Variants in PDS5B observed in about 807,000 individuals in gnomAD.
PDS5B encodes the protein sister chromatid cohesion protein PDS5 homolog B.
Under a neutral mutation model 184.1 loss-of-function variants are expected in PDS5B, and 51 were observed. The observed-to-expected ratio is 0.28, with a 90% CI of 0.22 to 0.35. PDS5B has a LOEUF of 0.35. Among genes scored for constraint, PDS5B ranks in the 10% least tolerant of loss-of-function variants. PDS5B has a pLI of 1.00. For synonymous variants in PDS5B, 566 were observed against 569.2 expected (o/e 0.99, Z 0.08); for missense variants, 1,180 against 1,723.3 (o/e 0.68, Z 5.58).
intron 7 of PDS5B, among the ~76,000 whole-genome samples, chr13:32,671,001 C>T (rs559444432): frequency 1.6e-4 from 25 of 152,274 alleles, no homozygotes; most frequent in South Asian, 6.2e-4. Flanking sequence ...TAATTAGCTA[C>T]GCTTTTGTAA....
chr13:32,741,373 A>G (rs1262803442), intron 22 of PDS5B, among the ~76,000 whole-genome samples: 1 of 152,136 alleles, frequency 6.6e-6, no homozygotes, highest in Non-Finnish European at 1.5e-5. Flanking sequence ...AAGGTTTGAA[A>G]GCTGTTTCCC....
At chr13:32,766,876 A>G (rs900362145) in intron 31 of PDS5B, among the ~76,000 whole-genome samples, 2 of 152,186 alleles carry the variant, frequency 1.3e-5, no homozygotes, top group Admixed American at 1.3e-4. Flanking sequence ...AAAGGAAATC[A>G]TCTACCTTTT....
Position 32,760,636 on chromosome 13 carries a change from C to T in PDS5B, c.3434C>T (p.Ser1145Phe). 1 of 1,614,018 alleles carries T rather than the reference C, an allele frequency of 6.2e-7. No individual in the cohort carries two copies. Among genetic ancestry groups the T allele is most frequent in the Non-Finnish European group, 8.5e-7 (1 of 1,179,902 alleles). Residue 1145 changes from serine to phenylalanine, a missense_variant, in exon 30 of 35, where the codon TCT (serine) becomes TTT (phenylalanine). By Grantham distance (155) the Ser-to-Phe change is radical (BLOSUM62 -2). This residue lies in a region of PDS5B where 465 missense variants were observed against 497.8 expected (regional missense o/e 0.93). Transcript: ENST00000315596. ...CCACTTTCATCAGCAGGCAAGCAAT[C>T]TCAGACCAAATCATCACGAATGGAA... ...NKPLSSAGKQ[S>F]QTKSSRMETV... is the part of the protein sequence containing the mutation.
At chr13:32,623,370 T>TA (rs908593057) in intron 1 of PDS5B, among the ~76,000 whole-genome samples, 1 of 152,188 alleles carries the variant, frequency 6.6e-6, no homozygotes, top group Non-Finnish European at 1.5e-5. Context: ...CCTTATATCT[T>TA]AGTAGAATTG....
In PDS5B at chr13:32,764,558, A is replaced by G. The variant is rs763960598; in HGVS notation, c.3588A>G (p.Lys1196=). The change falls in exon 31 of 35, where the codon AAA becomes AAG. Residue 1196 remains lysine, a synonymous_variant. Transcript: ENST00000315596. ...DYTMSSPLPG[K]KSDKRDDSDL... ...CAATGTCTTCACCTTTGCCGGGGAA[A>G]AAAAGTGACAAGAGAGACGACTCTG... 3.1e-6 allele frequency: 5 copies of G among 1,605,728 alleles called. No homozygotes were observed. The highest frequency in any genetic ancestry group is 1.7e-4 in the Middle Eastern group (1 of 6,030).
At chr13:32,650,722 C>G (rs1950347429) in intron 2 of PDS5B, 1 of 152,192 alleles carries the variant, frequency 6.6e-6, no homozygotes, top group African/African-American at 2.4e-5. Context: ...ACTGTTGGTT[C>G]TGGTATCTGG....
chr13:32,590,706 G>A (rs987001387), intron 1 of PDS5B, among the ~76,000 whole-genome samples: 4 of 152,118 alleles, frequency 2.6e-5, no homozygotes, highest in African/African-American at 9.7e-5. Context: ...GGAAGTAATT[G>A]AAGATATTTT....
chr13:32,740,616 T>C (rs930733061), intron 21 of PDS5B, among the ~76,000 whole-genome samples: 1 of 152,176 alleles, frequency 6.6e-6, no homozygotes, highest in Non-Finnish European at 1.5e-5. Flanking sequence ...TGCTAGTACT[T>C]GCACATGATC....
At chr13:32,610,502 A>G (rs1593258132) in intron 1 of PDS5B, among the ~76,000 whole-genome samples, 1 of 152,246 alleles carries the variant, frequency 6.6e-6, no homozygotes, top group Admixed American at 6.5e-5. Context: ...CCAAATGTTC[A>G]TAATAATCCT....
chr13:32,775,806 G>A lies in PDS5B; in HGVS notation c.*754G>A. 2.8e-6 allele frequency: 1 copy of A among 361,108 alleles called. No homozygotes were observed. 22.4% of individuals were successfully genotyped at this position (361,108 alleles called of 1,614,324 possible). The stretch of plus-strand genomic sequence containing the variant: ...AGATTTAAAGTATTTTAATTTTAAA[G>A]AGTGTGTTATAAAATAATGTACTGA... On this transcript the variant is annotated 3_prime_UTR_variant, in exon 35 of 35. Coordinates refer to ENST00000315596, the MANE Select transcript of PDS5B (RefSeq NM_015032.4).
At chr13:32,716,930 C>A (rs1220542595) in intron 19 of PDS5B, among the ~76,000 whole-genome samples, 1 of 93,740 alleles carries the variant, frequency 1.1e-5, no homozygotes. Context: ...AAGTGAGGAG[C>A]CCTTTTGCCC....
Position 32,713,531 on chromosome 13 carries a change from A to G in PDS5B, c.2123+3425A>G, listed in dbSNP as rs771640596. 4.6e-5 allele frequency among the ~76,000 whole-genome samples: 7 copies of G among 152,224 alleles called. No homozygotes were observed. In the East Asian group the frequency reaches 1.2e-3, roughly 25 times the overall value. On this transcript the variant is annotated intron_variant, in intron 19 of 34. Coordinates refer to ENST00000315596, the MANE Select transcript of PDS5B (RefSeq NM_015032.4). ...TGAAAAAGAGCTAAGGATATTGACT[A>G]TAGAATATAATTTAATATAAGTAGC...
intron 22 of PDS5B, among the ~76,000 whole-genome samples, chr13:32,742,057 A>T (rs1395009798): frequency 6.6e-6 from 1 of 152,222 alleles, no homozygotes; most frequent in Non-Finnish European, 1.5e-5. Context: ...CCCTCTTAGC[A>T]TCTGAGCCTT....
intron 7 of PDS5B, among the ~76,000 whole-genome samples, chr13:32,672,856 T>G (rs1950972956): frequency 6.6e-6 from 1 of 152,184 alleles, no homozygotes; most frequent in South Asian, 2.1e-4. Flanking sequence ...ACACGTTGCT[T>G]TACCAGCTAT....
rs181239066 is a variant in PDS5B at position 32,685,567 on chromosome 13, A to G, written c.1203+1544A>G. ...ATATTAGAATATGATGTATCTTTAAATTCTCTTTGAAGAAGAGGGAATTAA... is the reference window on the plus strand; with the variant it reads ...ATATTAGAATATGATGTATCTTTAAGTTCTCTTTGAAGAAGAGGGAATTAA... On this transcript the variant is annotated intron_variant, in intron 11 of 34. Transcript: ENST00000315596. Among the ~76,000 whole-genome samples the G allele has an allele frequency of 1.2e-4, 19 of 152,368 alleles. No homozygotes were observed. The East Asian group carries it at 3.7e-3, about 29-fold the overall frequency.
At chr13:32,692,863 A>G (rs970587195) in intron 13 of PDS5B, among the ~76,000 whole-genome samples, 2 of 150,506 alleles carry the variant, frequency 1.3e-5, no homozygotes, top group Non-Finnish European at 3.0e-5. Context: ...TCCTATAAAC[A>G]TGTTATAATA....
intron 19 of PDS5B, among the ~76,000 whole-genome samples, chr13:32,710,573 C>A (rs968622217): frequency 3.9e-5 from 6 of 152,084 alleles, no homozygotes; most frequent in African/African-American, 1.4e-4. Context: ...CCAGTATTTC[C>A]CATAATTGCA....
At chr13:32,699,293 G>A (rs1875293117) in intron 15 of PDS5B, among the ~76,000 whole-genome samples, 1 of 152,144 alleles carries the variant, frequency 6.6e-6, no homozygotes, top group South Asian at 2.1e-4. Context: ...GCATGTATAT[G>A]TAAACTCTCT....
In PDS5B at chr13:32,730,535, G is replaced by A. The variant is rs554407240; in HGVS notation, c.2124-1566G>A. On this transcript the variant is annotated intron_variant, in intron 19 of 34. Coordinates refer to ENST00000315596, the MANE Select transcript of PDS5B (RefSeq NM_015032.4). ...GCATTGAATCTATAAATTATTTTGG[G>A]CAGTATGGCCATTTTCACGACATTG... Among the ~76,000 whole-genome samples, 35 of 152,234 alleles carry A rather than the reference G, an allele frequency of 2.3e-4. No individual in the cohort carries two copies. In the South Asian group the frequency reaches 7.3e-3, roughly 32 times the overall value.
Sources: allele counts gnomAD v4.1 joint callset (sites outside exome capture counted in the v4.1 genomes callset), GRCh38; gene constraint gnomAD v4.1.1; regional missense constraint gnomAD v4.1.1; transcripts MANE v1.5; gene names NCBI Gene and HGNC (gene_info 2026-07-23, HGNC 2026-07-21).